TMEM108: variants seen among roughly 807,000 people sequenced by gnomAD.
The protein encoded by TMEM108 is transmembrane protein 108.
TMEM108 carries 12 observed loss-of-function variants against 35.1 expected under a neutral mutation model. The ratio of observed to expected loss-of-function variants is 0.34; its 90% CI spans 0.22 to 0.55. The LOEUF (loss-of-function observed/expected upper bound fraction) is 0.55, where lower values mean the gene tolerates loss of function less well. Among genes scored for constraint, TMEM108 ranks in the 20% least tolerant of loss-of-function variants. The pLI, the probability that TMEM108 is intolerant of heterozygous loss-of-function variation, is 0.89. For missense variants in TMEM108, 680 were observed against 753.3 expected, an observed-to-expected ratio of 0.90 and a Z score of 1.14; for synonymous variants, 287 against 308.6, an observed-to-expected ratio of 0.93 and a Z score of 0.73.
intron 2 of TMEM108, among the ~76,000 whole-genome samples, chr3:133,199,580 C>T (rs975704518): frequency 6.6e-6 from 1 of 152,180 alleles, no homozygotes; most frequent in Non-Finnish European, 1.5e-5. Context: ...TGGGTATCAC[C>T]AGCGGAGGCT....
chr3:133,075,047 C>G (rs996107388), intron 2 of TMEM108, among the ~76,000 whole-genome samples: 1 of 152,134 alleles, frequency 6.6e-6, no homozygotes, highest in Non-Finnish European at 1.5e-5. Context: ...TAGGCTCTAT[C>G]CATGTTGCTA....
chr3:133,385,552 T>C (rs1425469427), intron 4 of TMEM108, among the ~76,000 whole-genome samples: 3 of 152,212 alleles, frequency 2.0e-5, no homozygotes, highest in Admixed American at 6.5e-5. Flanking sequence ...GAAATGGCTG[T>C]GCACAGCCCA....
chr3:133,290,452 C>G (rs902777576), intron 3 of TMEM108, among the ~76,000 whole-genome samples: 2 of 152,004 alleles, frequency 1.3e-5, no homozygotes, highest in Non-Finnish European at 2.9e-5. Context: ...AAAACCCCAG[C>G]TCTACTAAAA....
intron 2 of TMEM108, among the ~76,000 whole-genome samples, chr3:133,217,036 C>T (rs1043775337): frequency 2.6e-5 from 4 of 152,084 alleles, no homozygotes; most frequent in Middle Eastern, 3.2e-3. Context: ...TACTAATTTA[C>T]CTTCCGATCA....
chr3:133,149,235 T>G (rs534360831), intron 2 of TMEM108, among the ~76,000 whole-genome samples: 31 of 152,188 alleles, frequency 2.0e-4, no homozygotes, highest in South Asian at 8.3e-4. Context: ...TGAAAAATAA[T>G]TGACAAATAA....
intron 2 of TMEM108, among the ~76,000 whole-genome samples, chr3:133,128,916 G>C (rs758194924): frequency 2.2e-4 from 33 of 152,126 alleles, no homozygotes; most frequent in Non-Finnish European, 3.1e-4. Context: ...CATTTTGTCT[G>C]CTCATATATT....
At chr3:133,119,474 C>T (rs1944326337) in intron 2 of TMEM108, 1 of 152,148 alleles carries the variant, frequency 6.6e-6, no homozygotes, top group African/African-American at 2.4e-5. Context: ...TCATTTGTAC[C>T]TCATTAATTG....
chr3:133,380,130 C>T lies in TMEM108; in HGVS notation c.419C>T (p.Thr140Ile). ...CGCCCTCGAGGGCAGGCTGCCCCCA[C>T]CATCCTGCTGACAAAGCCACCGGGG... ...EGRPRGQAAP[T>I]ILLTKPPGAT... Residue 140 changes from threonine to isoleucine, a missense_variant, in exon 4 of 6, where the codon ACC (threonine) becomes ATC (isoleucine). By Grantham distance (89) the Thr-to-Ile change is moderately conservative. Around this residue, in one of 3 missense-constraint regions of TMEM108, gnomAD observed 526 missense variants for 532.1 expected, o/e 0.99. Transcript: ENST00000321871. The surrounding 1 kb of genome is among the most constrained non-coding windows in gnomAD (Gnocchi z 5.3). 6.2e-7 allele frequency: 1 copy of T among 1,613,852 alleles called. No homozygotes were observed. Among genetic ancestry groups the T allele is most frequent in the Non-Finnish European group, 8.5e-7 (1 of 1,179,944 alleles).
chr3:133,143,585 T>C (rs914673848), intron 2 of TMEM108, among the ~76,000 whole-genome samples: 16 of 152,200 alleles, frequency 1.1e-4, no homozygotes, highest in Non-Finnish European at 1.8e-4. Context: ...CGAAAAGATG[T>C]CATAATTCTG....
At chr3:133,053,271 A>G (rs1331182545) in intron 2 of TMEM108, among the ~76,000 whole-genome samples, 1 of 152,188 alleles carries the variant, frequency 6.6e-6, no homozygotes, top group East Asian at 1.9e-4. Context: ...ATCTACTTGA[A>G]AGTAGACTCT....
chr3:133,369,837 C>T lies in TMEM108; in HGVS notation c.41-9915C>T, dbSNP rs374079424. Reference sequence around the variant, plus strand: ...GCATCTGTGGGTACATGATCTCACACCAGGGTGCTGGGAAAGATGCCTACA... The same window carrying T: ...GCATCTGTGGGTACATGATCTCACATCAGGGTGCTGGGAAAGATGCCTACA... On this transcript the variant is annotated intron_variant, in intron 3 of 5. Transcript: ENST00000321871. Among the ~76,000 whole-genome samples, 19 of 152,290 alleles carry T rather than the reference C, an allele frequency of 1.2e-4. No individual in the cohort carries two copies. The East Asian group carries it at 3.1e-3, about 25-fold the overall frequency.
At chr3:133,236,415 A>T (rs892637685) in intron 3 of TMEM108, among the ~76,000 whole-genome samples, 2 of 152,112 alleles carry the variant, frequency 1.3e-5, no homozygotes. Context: ...CTTTTCTGCC[A>T]TCTTTACCTG....
chr3:133,061,499 C>T (rs1308796577), intron 2 of TMEM108, among the ~76,000 whole-genome samples: 2 of 152,074 alleles, frequency 1.3e-5, no homozygotes, highest in Non-Finnish European at 2.9e-5. Flanking sequence ...AGGCATGAGC[C>T]ATCGTGCCCA....
At chr3:133,344,293 G>A (rs1451292850) in intron 3 of TMEM108, among the ~76,000 whole-genome samples, 1 of 151,666 alleles carries the variant, frequency 6.6e-6, no homozygotes, top group Non-Finnish European at 1.5e-5. Flanking sequence ...ATAAATATTA[G>A]ATATTAGAAA....
At chr3:133,175,036 C>G (rs971488930) in intron 2 of TMEM108, among the ~76,000 whole-genome samples, 3 of 152,112 alleles carry the variant, frequency 2.0e-5, no homozygotes, top group Non-Finnish European at 2.9e-5. Context: ...AATGCACAAG[C>G]CTCAGTAACC....
intron 3 of TMEM108, among the ~76,000 whole-genome samples, chr3:133,312,746 C>T (rs568857970): frequency 2.6e-5 from 4 of 152,346 alleles, no homozygotes; most frequent in Admixed American, 1.3e-4. Context: ...CACTGTCCAA[C>T]CAGTCCCAGT....
At chr3:133,376,259 C>T (rs922863119) in intron 3 of TMEM108, among the ~76,000 whole-genome samples, 1 of 152,134 alleles carries the variant, frequency 6.6e-6, no homozygotes, top group South Asian at 2.1e-4. Context: ...TCTGTATTAA[C>T]CCCTCTCTCT....
At chr3:133,046,712 G>A (rs1423245768) in intron 2 of TMEM108, among the ~76,000 whole-genome samples, 3 of 152,154 alleles carry the variant, frequency 2.0e-5, no homozygotes, top group African/African-American at 7.2e-5. Context: ...GAAATTAACT[G>A]TTTGGTGTGG....
chr3:133,215,122 A>G (rs1035720943), intron 2 of TMEM108, among the ~76,000 whole-genome samples: 2 of 152,152 alleles, frequency 1.3e-5, no homozygotes, highest in Admixed American at 6.5e-5. Flanking sequence ...ACTGATCAGT[A>G]TGTACCCTTC....
Sources: gnomAD v4.1 joint callset for allele counts (sites outside exome capture counted in the v4.1 genomes callset) on GRCh38, gnomAD v4.1.1 for gene constraint, gnomAD v4.1.1 regional missense constraint, Gnocchi (gnomAD v3.1) non-coding constraint, MANE v1.5 for transcripts, NCBI Gene and HGNC (gene_info 2026-07-23, HGNC 2026-07-21) for gene names.